Variants in PCDHGA7 observed in about 807,000 individuals in gnomAD.
The protein encoded by PCDHGA7 is protocadherin gamma-A7.
A neutral mutation model predicts 58.3 loss-of-function variants in PCDHGA7; 44 were observed. The ratio of observed to expected loss-of-function variants is 0.75; its 90% CI spans 0.59 to 0.97. The LOEUF (loss-of-function observed/expected upper bound fraction) is 0.97. Among genes scored for constraint, PCDHGA7 ranks in the 50% least tolerant of loss-of-function variants. PCDHGA7 has a pLI of 0.00. For missense variants in PCDHGA7, 1,266 were observed against 1,188.7 expected (o/e 1.06, Z -0.96); for synonymous variants, 516 against 504.2 (o/e 1.02, Z -0.31).
At chr5:141,402,816 C>A (rs1009078444) in intron 1 of PCDHGA7, 4 of 1,261,760 alleles carry the variant, frequency 3.2e-6, no homozygotes, top group South Asian at 3.4e-5. Flanking sequence ...ATACCACAAA[C>A]CTGCTCCCAG....
rs770249472 is a variant in PCDHGA7, at chr5:141,477,747, C to T, written c.2425-17060C>T. On this transcript the variant is annotated intron_variant, in intron 1 of 3. Transcript: ENST00000518325. The surrounding 1 kb of genome is among the most constrained non-coding windows in gnomAD (Gnocchi z 4.9). ...ACAGCTCATATCAGCGATGGGGGCA[C>T]CCCGGTCCTAGCCACCAACATCAGC... 6.2e-7 allele frequency: 1 copy of T among 1,613,840 alleles called. No individual in the cohort carries two copies. The highest frequency in any genetic ancestry group is 1.7e-5 in the Admixed American group (1 of 60,026).
At chr5:141,457,878 C>A (rs1263626843) in intron 1 of PCDHGA7, among the ~76,000 whole-genome samples, 1 of 152,190 alleles carries the variant, frequency 6.6e-6, no homozygotes, top group East Asian at 1.9e-4. Context: ...GGTTAGGAAC[C>A]CTGTGTGGGG....
chr5:141,485,982 A>G lies in PCDHGA7; in HGVS notation c.2425-8825A>G. 6.2e-7 allele frequency: 1 copy of G among 1,614,156 alleles called. No homozygotes were observed. The highest frequency in any genetic ancestry group is 8.5e-7 in the Non-Finnish European group (1 of 1,180,020). ...ATCCAGCTCAATGCCTCAGACCCGG[A>G]CCTGGGTCCCAGTGGTAACGTCACC... On this transcript the variant is annotated intron_variant, in intron 1 of 3. Coordinates refer to ENST00000518325, the MANE Select transcript of PCDHGA7 (RefSeq NM_018920.4). The surrounding 1 kb of genome is among the most constrained non-coding windows in gnomAD (Gnocchi z 5.7).
rs762238827 is a variant in PCDHGA7 at position 141,487,202 on chromosome 5, C to T, written c.2425-7605C>T. ...CACTCATCCAGTTGTCCCAGATCTT[C>T]GAGAATCTTCAGCTCCAAGGGAAGG... On this transcript the variant is annotated intron_variant, in intron 1 of 3. Coordinates refer to ENST00000518325, the MANE Select transcript of PCDHGA7 (RefSeq NM_018920.4). This position sits in a 1 kb window ranked among gnomAD's most constrained non-coding sequence, Gnocchi z 5.0. 7 of 1,613,660 alleles carry T rather than the reference C, an allele frequency of 4.3e-6. No homozygotes were observed. The highest frequency in any genetic ancestry group is 1.7e-5 in the Admixed American group (1 of 59,992).
At position 141,486,250 on chromosome 5, in the gene PCDHGA7, C is replaced by T; in HGVS notation, c.2425-8557C>T. 1 of 1,614,140 alleles carries T rather than the reference C, an allele frequency of 6.2e-7. No homozygotes were observed. The highest frequency in any genetic ancestry group is 2.2e-5 in the East Asian group (1 of 44,872). On this transcript the variant is annotated intron_variant, in intron 1 of 3. Coordinates refer to ENST00000518325, the MANE Select transcript of PCDHGA7 (RefSeq NM_018920.4). The surrounding 1 kb of genome is among the most constrained non-coding windows in gnomAD (Gnocchi z 5.0). ...CAGTGACCTCAGAGCTTGGAACCCT[C>T]CCCGAGAGTGCAGAACCTGGCACTG...
Position 141,489,902 on chromosome 5 carries a change from C to T in PCDHGA7, c.2425-4905C>T. The T allele has an allele frequency of 6.2e-7, 1 of 1,614,218 alleles. No individual in the cohort carries two copies. The highest frequency in any genetic ancestry group is 8.5e-7 in the Non-Finnish European group (1 of 1,180,032). On this transcript the variant is annotated intron_variant, in intron 1 of 3. Transcript: ENST00000518325. This position sits in a 1 kb window ranked among gnomAD's most constrained non-coding sequence, Gnocchi z 4.5. Reference sequence around the variant, plus strand: ...ACTGCTGTGGATGGGGGGACCCCAGCCCGCTCAGGGACCACCCTTATCTCT... The same window carrying T: ...ACTGCTGTGGATGGGGGGACCCCAGTCCGCTCAGGGACCACCCTTATCTCT...
intron 1 of PCDHGA7, chr5:141,395,210 A>G (rs200048432): frequency 1.2e-6 from 2 of 1,613,418 alleles, no homozygotes; most frequent in East Asian, 2.2e-5. Context: ...ATTTTCATGA[A>G]TATAAGAATG....
At chr5:141,443,131 A>C (rs1042010214) in intron 1 of PCDHGA7, among the ~76,000 whole-genome samples, 2 of 152,144 alleles carry the variant, frequency 1.3e-5, no homozygotes, top group African/African-American at 4.8e-5. Flanking sequence ...GATTAAGAAC[A>C]CTATCATAAG....
intron 2 of PCDHGA7, among the ~76,000 whole-genome samples, chr5:141,502,165 T>C (rs1017904375): frequency 1.8e-4 from 28 of 152,196 alleles, no homozygotes; most frequent in African/African-American, 6.3e-4. Context: ...AGATATTCAG[T>C]TGAGGAATTT....
At chr5:141,400,192 G>A (rs1411721247) in intron 1 of PCDHGA7, 1 of 1,614,088 alleles carries the variant, frequency 6.2e-7, no homozygotes, top group South Asian at 1.1e-5. Context: ...GTTTTACCTA[G>A]TGGTGGCCTT....
At position 141,431,569 on chromosome 5, in the gene PCDHGA7, CGAA is replaced by C. The variant is rs780392922; in HGVS notation, c.2424+46248_2424+46250del. The C allele has an allele frequency of 1.9e-6, 3 of 1,614,000 alleles. No homozygotes were observed. The highest frequency in any genetic ancestry group is 2.7e-5 in the African/African-American group (2 of 74,932). ...TTGTAGTCAACGCTACCGACCCTGA[CGAA>C]GGAGTCAATGCGGAAGTGAGGTATT... On this transcript the variant is annotated intron_variant, in intron 1 of 3. Transcript: ENST00000518325. This position sits in a 1 kb window ranked among gnomAD's most constrained non-coding sequence, Gnocchi z 4.8.
At chr5:141,387,340 G>A (rs565408747) in intron 1 of PCDHGA7, among the ~76,000 whole-genome samples, 2 of 152,306 alleles carry the variant, frequency 1.3e-5, no homozygotes, top group Non-Finnish European at 2.9e-5. Flanking sequence ...ACTGTACTCT[G>A]AGACGGTTTA....
chr5:141,463,653 G>A (rs1378583183), intron 1 of PCDHGA7, among the ~76,000 whole-genome samples: 2 of 151,764 alleles, frequency 1.3e-5, no homozygotes, highest in Admixed American at 6.6e-5. Context: ...GGGTTTCACC[G>A]TGTTAGCCAG....
chr5:141,383,627 C>G lies in PCDHGA7; in HGVS notation c.728C>G (p.Ser243Cys). The G allele has an allele frequency of 1.2e-6, 2 of 1,613,952 alleles. No individual in the cohort carries two copies. The highest frequency in any genetic ancestry group is 1.1e-5 in the South Asian group (1 of 91,076). Residue 243 changes from serine (S) to cysteine (C), a missense_variant, in exon 1 of 4, where the codon TCT (serine) becomes TGT (cysteine). Transcript: ENST00000518325. Reference protein sequence around the residue: ...VDVNDHTPVFSLPQYQVTVPE... With the variant: ...VDVNDHTPVFCLPQYQVTVPE... ...GTGAATGACCACACGCCTGTCTTCT[C>G]TCTGCCTCAGTACCAAGTAACTGTC... is the stretch of plus-strand genomic sequence containing the variant.
Position 141,490,693 on chromosome 5 carries a change from G to C in PCDHGA7, c.2425-4114G>C. 2 of 1,614,170 alleles carry C rather than the reference G, an allele frequency of 1.2e-6. No homozygotes were observed. Among genetic ancestry groups the C allele is most frequent in the Non-Finnish European group, 1.7e-6 (2 of 1,180,018 alleles). ...GGCTGCCTCAGATCCAGACACTGGG[G>C]ATAATGCCCGCCTCACCTACTCCAT... is the stretch of plus-strand genomic sequence containing the variant. On this transcript the variant is annotated intron_variant, in intron 1 of 3. Coordinates refer to ENST00000518325, the MANE Select transcript of PCDHGA7 (RefSeq NM_018920.4). This position sits in a 1 kb window ranked among gnomAD's most constrained non-coding sequence, Gnocchi z 5.4.
At chr5:141,464,923 A>G (rs544281066) in intron 1 of PCDHGA7, among the ~76,000 whole-genome samples, 3 of 151,406 alleles carry the variant, frequency 2.0e-5, no homozygotes, top group Non-Finnish European at 4.4e-5. Flanking sequence ...ATTTTTTTGT[A>G]GAGATGTGAG....
chr5:141,430,399 T>C (rs2097282187), intron 1 of PCDHGA7, among the ~76,000 whole-genome samples: 1 of 150,106 alleles, frequency 6.7e-6, no homozygotes, highest in African/African-American at 2.4e-5. Flanking sequence ...AAAAAAAAGC[T>C]CACTAAAGTT....
At chr5:141,488,472 T>C (rs1183465817) in intron 1 of PCDHGA7, among the ~76,000 whole-genome samples, 1 of 152,096 alleles carries the variant, frequency 6.6e-6, no homozygotes, top group East Asian at 1.9e-4. Context: ...CCAGAAATGT[T>C]CCCCTACCCA....
At chr5:141,413,020 C>G in intron 1 of PCDHGA7, 7 of 693,768 alleles carry the variant, frequency 1.0e-5, no homozygotes, top group Non-Finnish European at 1.4e-5. Context: ...CTACACAAGC[C>G]CCACAAACCG....
Sources: gnomAD v4.1 joint callset for allele counts (sites outside exome capture counted in the v4.1 genomes callset) on GRCh38, gnomAD v4.1.1 for gene constraint, Gnocchi (gnomAD v3.1) non-coding constraint, MANE v1.5 for transcripts, NCBI Gene and HGNC (gene_info 2026-07-23, HGNC 2026-07-21) for gene names.